The following SGSM2 variants were observed in gnomAD, a reference collection of about 807,000 sequenced individuals.
SGSM2 encodes the protein RUN and TBC1 domain containing 1.
SGSM2 carries 89 observed loss-of-function variants against 126.6 expected under a neutral mutation model. The observed-to-expected ratio is 0.70, with a 90% CI of 0.59 to 0.84. SGSM2 has a LOEUF of 0.84. SGSM2 is among the 40% of genes least tolerant of loss of function. The pLI is 0.00. For missense variants in SGSM2, 1,404 were observed against 1,416.6 expected (o/e 0.99, Z 0.14); for synonymous variants, 614 against 574.3 (o/e 1.07, Z -0.99).
Position 2,363,504 on chromosome 17 carries a change from A to C in SGSM2, c.712A>C (p.Arg238=). The change falls in exon 7 of 24, where the codon AGG becomes CGG. Residue 238 remains arginine (R), a synonymous_variant. Transcript: ENST00000268989. This position sits in a 1 kb window ranked among gnomAD's most constrained non-coding sequence, Gnocchi z 4.2. The part of the protein sequence containing the change: ...RHSSGSASED[R]LAACARECVE... ...CTCAAGCGGCAGCGCGTCGGAGGAC[A>C]GGCTGGCTGCCTGTGCCCGCGAGTG... 4 of 1,613,424 alleles carry C rather than the reference A, an allele frequency of 2.5e-6. No individual in the cohort carries two copies. The highest frequency in any genetic ancestry group is 3.4e-6 in the Non-Finnish European group (4 of 1,179,992).
At chr17:2,370,481 C>A (rs1355993849) in intron 12 of SGSM2, among the ~76,000 whole-genome samples, 2 of 152,280 alleles carry the variant, frequency 1.3e-5, no homozygotes, top group African/African-American at 4.8e-5. Context: ...TTCTCTGTCA[C>A]ATTGGATAGT....
chr17:2,341,956 C>G (rs1049624696), intron 1 of SGSM2, among the ~76,000 whole-genome samples: 1 of 152,286 alleles, frequency 6.6e-6, no homozygotes, highest in African/African-American at 2.4e-5. Flanking sequence ...GGTGTTTGTA[C>G]GTTCACACCA....
At chr17:2,365,907 G>A (rs560091646) in intron 11 of SGSM2, among the ~76,000 whole-genome samples, 3 of 152,108 alleles carry the variant, frequency 2.0e-5, no homozygotes, top group South Asian at 4.2e-4. Flanking sequence ...CTCCATGCCC[G>A]GCTAATTTTT....
chr17:2,353,123 C>T (rs1231665914), intron 2 of SGSM2, among the ~76,000 whole-genome samples: 2 of 152,086 alleles, frequency 1.3e-5, no homozygotes, highest in African/African-American at 4.8e-5. Flanking sequence ...TTTCTGTGAG[C>T]TCCTGAGACA....
At chr17:2,352,057 C>T (rs2012068) in intron 2 of SGSM2, among the ~76,000 whole-genome samples, 67,097 of 151,964 alleles carry the variant, frequency 0.44, 15,095 homozygotes, top group East Asian at 0.63. Flanking sequence ...TCACACTTGG[C>T]GATGGCCCTT....
In SGSM2 at chr17:2,367,110, A is replaced by G; in HGVS notation, c.1289-161A>G. ...CGCCTCCTTCCACACTCTCCCAGGA[A>G]AATCATCCAAAGAGCTTTCTGGTCC... On this transcript the variant is annotated intron_variant, in intron 11 of 23. Coordinates refer to ENST00000268989, the MANE Select transcript of SGSM2 (RefSeq NM_014853.3). This position sits in a 1 kb window ranked among gnomAD's most constrained non-coding sequence, Gnocchi z 4.0. 4 of 814,996 alleles carry G rather than the reference A, an allele frequency of 4.9e-6. No individual in the cohort carries two copies. Among genetic ancestry groups the G allele is most frequent in the Non-Finnish European group, 5.6e-6 (3 of 539,386 alleles). 50.5% of individuals were successfully genotyped at this position (814,996 alleles called of 1,614,324 possible). A position where few individuals can be genotyped will look rare whatever the true frequency, so the allele number is the denominator to read the frequency against.
At chr17:2,343,675 C>G in intron 2 of SGSM2, 55 bp downstream of exon 2, 2 of 1,526,552 alleles carry the variant, frequency 1.3e-6, no homozygotes, top group Admixed American at 1.7e-5. Flanking sequence ...AGGACACTGG[C>G]CTGGGGCCAG....
chr17:2,357,851 A>T lies in SGSM2; in HGVS notation c.134-3786A>T, dbSNP rs113903213. Among the ~76,000 whole-genome samples, 193 of 152,300 alleles carry T rather than the reference A, an allele frequency of 1.3e-3. 1 individual carries two copies. Among genetic ancestry groups the T allele is most frequent in the African/African-American group, 4.3e-3 (178 of 41,562 alleles). The stretch of plus-strand genomic sequence containing the variant: ...TTGATTCATTTGCCCAAACCTTTCC[A>T]TGCCAACCAGTGTTGGTTTTTATTA... On this transcript the variant is annotated intron_variant, in intron 2 of 23. Transcript: ENST00000268989.
chr17:2,363,976 C>T lies in SGSM2; in HGVS notation c.808-83C>T. ...TAGCCTAGCTTGGCCTCCCCTCCTC[C>T]CAGCGGGAGCTCATTTCTCATAGGC... is the stretch of plus-strand genomic sequence containing the variant. On this transcript the variant is annotated intron_variant, in intron 7 of 23. Transcript: ENST00000268989. The surrounding 1 kb of genome is among the most constrained non-coding windows in gnomAD (Gnocchi z 4.2). 6.3e-7 allele frequency: 1 copy of T among 1,577,036 alleles called. No individual in the cohort carries two copies. Among genetic ancestry groups the T allele is most frequent in the Non-Finnish European group, 8.7e-7 (1 of 1,149,734 alleles).
At chr17:2,365,418 G>A (rs1462091271) in intron 11 of SGSM2, 77 bp downstream of exon 11, 3 of 1,454,410 alleles carry the variant, frequency 2.1e-6, no homozygotes, top group South Asian at 2.8e-5. Context: ...TCACCCAGGA[G>A]GGCAGCAGGC....
intron 16 of SGSM2, 77 bp downstream of exon 16, chr17:2,373,158 G>A: frequency 1.3e-6 from 2 of 1,580,570 alleles, no homozygotes; most frequent in East Asian, 4.5e-5. Flanking sequence ...GACCTTGGAA[G>A]CCTCAGCCCC....
At chr17:2,346,724 C>G (rs550827203) in intron 2 of SGSM2, among the ~76,000 whole-genome samples, 1 of 152,018 alleles carries the variant, frequency 6.6e-6, no homozygotes, top group Non-Finnish European at 1.5e-5. Context: ...TTCCCAGGCC[C>G]GAGGATCAGA....
chr17:2,376,837 G>T (rs1286211599), intron 20 of SGSM2, 22 bp downstream of exon 20: 2 of 1,613,802 alleles, frequency 1.2e-6, no homozygotes, highest in Non-Finnish European at 1.7e-6. Flanking sequence ...CGGGACATGG[G>T]ACTGGGCTGC....
rs774334507 is a variant in SGSM2 at position 2,337,792 on chromosome 17, C to A, written c.57+47C>A. 3.5e-6 allele frequency: 5 copies of A among 1,441,150 alleles called. No homozygotes were observed. Among genetic ancestry groups the A allele is most frequent in the African/African-American group, 1.5e-5 (1 of 67,698 alleles). 89.3% of individuals were successfully genotyped at this position (1,441,150 alleles called of 1,614,324 possible). A position where few individuals can be genotyped will look rare whatever the true frequency, so the allele number is the denominator to read the frequency against. On this transcript the variant is annotated intron_variant, in intron 1 of 23. Transcript: ENST00000268989. The surrounding 1 kb of genome is among the most constrained non-coding windows in gnomAD (Gnocchi z 5.1). Reference sequence around the variant, plus strand: ...CGGGGGGCTCGCGCCCTGGCCCGCGCGGCCCAGGGGGCAGAAAGGTCCGCG... The same window carrying A: ...CGGGGGGCTCGCGCCCTGGCCCGCGAGGCCCAGGGGGCAGAAAGGTCCGCG...
Position 2,376,485 on chromosome 17 carries a change from C to T in SGSM2, c.2609+224C>T, listed in dbSNP as rs573724458. 2.5e-5 allele frequency: 17 copies of T among 671,392 alleles called. No individual in the cohort carries two copies. In the Admixed American group the frequency reaches 4.0e-4, roughly 16 times the overall value. 41.6% of individuals were successfully genotyped at this position (671,392 alleles called of 1,614,324 possible). On this transcript the variant is annotated intron_variant, in intron 19 of 23. Transcript: ENST00000268989. ...AGCCACACCTCTTCAGGAAGCTTTC[C>T]CTCATCCCCGCACCCCCGCCCCACA...
chr17:2,379,974 G>A lies in SGSM2; in HGVS notation c.*454G>A, dbSNP rs2066344158. ...GGTCCCTTTGCAGTCCCAGTATATT[G>A]TGCGTGCACCAGCCCCAGCTGGAGC... On this transcript the variant is annotated 3_prime_UTR_variant, in exon 24 of 24. Transcript: ENST00000268989. 7 of 1,371,914 alleles carry A rather than the reference G, an allele frequency of 5.1e-6. No individual in the cohort carries two copies. The highest frequency in any genetic ancestry group is 5.6e-6 in the Non-Finnish European group (6 of 1,063,486). The allele number at this position is 1,371,914 out of a possible 1,614,324, so 85.0% of individuals were successfully genotyped here.
intron 9 of SGSM2, 30 bp from the exon 10 acceptor site, chr17:2,364,867 C>T (rs2065484518): frequency 1.2e-6 from 2 of 1,600,268 alleles, no homozygotes; most frequent in Non-Finnish European, 1.7e-6. Flanking sequence ...ACGAGAGGGC[C>T]TCAGCCGCAC....
chr17:2,340,182 T>C (rs2064284762), intron 1 of SGSM2, among the ~76,000 whole-genome samples: 1 of 151,960 alleles, frequency 6.6e-6, no homozygotes. Flanking sequence ...TGGTGCGATC[T>C]CAGCTCACTG....
Position 2,364,611 on chromosome 17 carries a change from T to C in SGSM2, c.948T>C (p.Tyr316=), listed in dbSNP as rs778166615. The change falls in exon 9 of 24, where the codon TAT becomes TAC. Residue 316 remains tyrosine (Y), a synonymous_variant. Coordinates refer to ENST00000268989, the MANE Select transcript of SGSM2 (RefSeq NM_014853.3). The stretch of plus-strand genomic sequence containing the variant: ...TCCTTTCTAGCGTTTACTGGGACTA[T>C]GCCCTCGTGGTGCCCTTCAGCCAGG... ...SELEKSVYWD[Y]ALVVPFSQVV... The C allele has an allele frequency of 1.9e-6, 3 of 1,614,198 alleles. No individual in the cohort carries two copies. The Admixed American group carries it at 5.0e-5, about 27-fold the overall frequency.
Sources: allele counts gnomAD v4.1 joint callset (sites outside exome capture counted in the v4.1 genomes callset), GRCh38; gene constraint gnomAD v4.1.1; non-coding constraint Gnocchi (gnomAD v3.1); transcripts MANE v1.5; gene names NCBI Gene and HGNC (gene_info 2026-07-23, HGNC 2026-07-21).